Variants in RABGAP1L observed in about 807,000 individuals in gnomAD.
RABGAP1L encodes the protein rab GTPase-activating protein 1-like.
In RABGAP1L, 63 loss-of-function variants were observed where a neutral mutation model predicts 137.7. The ratio of observed to expected loss-of-function variants is 0.46; its 90% confidence interval spans 0.37 to 0.56. RABGAP1L has a LOEUF of 0.56. Among genes scored for constraint, RABGAP1L ranks in the 20% least tolerant of loss-of-function variants. RABGAP1L has a pLI of 0.00. For missense variants in RABGAP1L, 1,095 were observed against 1,244.0 expected (o/e 0.88, Z 1.80); for synonymous variants, 431 against 433.7 (o/e 0.99, Z 0.08).
At chr1:174,873,129 T>C (rs1273195856) in intron 19 of RABGAP1L, among the ~76,000 whole-genome samples, 3 of 150,984 alleles carry the variant, frequency 2.0e-5, no homozygotes, top group East Asian at 4.0e-4. Context: ...AGTGCAGTGG[T>C]GCAATCTCGG....
chr1:174,763,837 C>CAAAAAAAA (rs570110788), intron 18 of RABGAP1L, among the ~76,000 whole-genome samples: 1 of 81,174 alleles, frequency 1.2e-5, no homozygotes, highest in African/African-American at 4.8e-5. Flanking sequence ...GACTCCGTCT[C>CAAAAAAAA]AAAAAAAAAA....
intron 18 of RABGAP1L, among the ~76,000 whole-genome samples, chr1:174,772,567 C>CAAAAAAAAAAAAA (rs60690186): frequency 1.9e-5 from 1 of 53,074 alleles, no homozygotes; most frequent in Admixed American, 2.7e-4. Context: ...GACTCCATCT[C>CAAAAAAAAAAAAA]AAAAAAAAAA....
chr1:174,969,253 C>T lies in RABGAP1L; in HGVS notation c.2434-24C>T, dbSNP rs547136711. ...CTGTATGTCCAGACACTAATGCCCA[C>T]CTCTGGCTATTGTTCTTCTGCAGAG... On this transcript the variant is annotated intron_variant, in intron 20 of 25. Transcript: ENST00000681986. 5.7e-5 allele frequency: 86 copies of T among 1,517,310 alleles called. 1 individual carries two copies. The South Asian group carries it at 1.0e-3, about 18-fold the overall frequency. The allele number at this position is 1,517,310 out of a possible 1,614,324, so 94.0% of individuals were successfully genotyped here.
At chr1:174,624,394 C>G (rs561151698) in intron 13 of RABGAP1L, among the ~76,000 whole-genome samples, 7 of 152,242 alleles carry the variant, frequency 4.6e-5, no homozygotes, top group Non-Finnish European at 7.4e-5. Context: ...CTTGTCTTTA[C>G]AAGTTGATCT....
intron 1 of RABGAP1L, among the ~76,000 whole-genome samples, chr1:174,173,096 A>G (rs1408429267): frequency 6.6e-6 from 1 of 151,546 alleles, no homozygotes; most frequent in Non-Finnish European, 1.5e-5. Flanking sequence ...AGATGCAGCT[A>G]TGGTGTTTTG....
chr1:174,549,317 T>C (rs1011108817), intron 13 of RABGAP1L, among the ~76,000 whole-genome samples: 1 of 152,212 alleles, frequency 6.6e-6, no homozygotes, highest in African/African-American at 2.4e-5. Context: ...ATTTCAATTT[T>C]TTCTTAATGT....
rs1181463793 is a variant in RABGAP1L at position 174,645,395 on chromosome 1, C to A, written c.1824+7907C>A. Among the ~76,000 whole-genome samples, 26 of 151,002 alleles carry A rather than the reference C, an allele frequency of 1.7e-4. 1 individual carries two copies. The highest frequency in any genetic ancestry group is 1.6e-3 in the Admixed American group (24 of 15,122). ...TAATGCTATCCCTCCCCTAGCCCCC[C>A]ACCCCCCAACAGGCCCCAGTGTGTG... On this transcript the variant is annotated intron_variant, in intron 14 of 25. Coordinates refer to ENST00000681986, the MANE Select transcript of RABGAP1L (RefSeq NM_001366446.1).
chr1:174,250,500 G>C lies in RABGAP1L; in HGVS notation c.743G>C (p.Cys248Ser). Reference sequence around the variant, plus strand: ...GTAAGCAGAATTTTGTACAGTTTCTGTACAGCATTCAAACGTTCTTCCAGA... The same window carrying C: ...GTAAGCAGAATTTTGTACAGTTTCTCTACAGCATTCAAACGTTCTTCCAGA... ...EAVSRILYSF[C>S]TAFKRSSRQV... The change falls in exon 6 of 26, where the codon TGT becomes TCT. Residue 248 changes from cysteine (C) to serine (S), a missense_variant. By Grantham distance (112) the Cys-to-Ser change is moderately radical. Coordinates refer to ENST00000681986, the MANE Select transcript of RABGAP1L (RefSeq NM_001366446.1). 1 of 1,612,994 alleles carries C rather than the reference G, an allele frequency of 6.2e-7. No homozygotes were observed. Among genetic ancestry groups the C allele is most frequent in the South Asian group, 1.1e-5 (1 of 90,898 alleles).
intron 13 of RABGAP1L, among the ~76,000 whole-genome samples, chr1:174,619,755 C>T (rs965422469): frequency 5.9e-5 from 9 of 152,212 alleles, no homozygotes; most frequent in Non-Finnish European, 1.2e-4. Context: ...AACCACCTAA[C>T]ATCATAATGA....
intron 11 of RABGAP1L, among the ~76,000 whole-genome samples, chr1:174,358,465 G>C (rs928370195): frequency 6.6e-6 from 1 of 152,138 alleles, no homozygotes; most frequent in Non-Finnish European, 1.5e-5. Flanking sequence ...GCTGGCGGGT[G>C]GTGTAGGGTT....
At chr1:174,358,475 T>G (rs1683836332) in intron 11 of RABGAP1L, among the ~76,000 whole-genome samples, 2 of 152,040 alleles carry the variant, frequency 1.3e-5, no homozygotes, top group South Asian at 4.1e-4. Context: ...GGTGTAGGGT[T>G]TTTGGTTTAT....
chr1:174,574,806 A>C (rs1031862896), intron 13 of RABGAP1L, among the ~76,000 whole-genome samples: 1 of 152,234 alleles, frequency 6.6e-6, no homozygotes, highest in Non-Finnish European at 1.5e-5. Context: ...ACAAACAGAC[A>C]TGAAAATAGT....
rs749496325 is a variant in RABGAP1L, at chr1:174,662,102, C to CTTTTT, written c.1825-21405_1825-21401dup. 7.8e-3 allele frequency among the ~76,000 whole-genome samples: 706 copies of CTTTTT among 89,956 alleles called. 2 individuals are homozygous for CTTTTT. Among genetic ancestry groups the CTTTTT allele is most frequent in the Middle Eastern group, 0.019 (3 of 158 alleles). 59.0% of individuals were successfully genotyped at this position (89,956 alleles called of 152,430 possible). ...GTATCCAGAAGAAGGCTTTTCTTTT[C>CTTTTT]TTTTTTTTTTTTTTTTTTTGAGTTG... On this transcript the variant is annotated intron_variant, in intron 14 of 25. Coordinates refer to ENST00000681986, the MANE Select transcript of RABGAP1L (RefSeq NM_001366446.1).
chr1:174,963,326 A>G (rs1254811709), intron 20 of RABGAP1L, among the ~76,000 whole-genome samples: 2 of 152,110 alleles, frequency 1.3e-5, no homozygotes, highest in Non-Finnish European at 2.9e-5. Context: ...CAGAGAGTTC[A>G]TTGTTATAGG....
At chr1:174,588,812 T>C (rs531159055) in intron 13 of RABGAP1L, among the ~76,000 whole-genome samples, 8 of 152,304 alleles carry the variant, frequency 5.3e-5, no homozygotes, top group African/African-American at 1.9e-4. Flanking sequence ...AGTACTCCAT[T>C]GTGTACATGT....
chr1:174,218,467 T>C (rs1218560169), intron 1 of RABGAP1L, among the ~76,000 whole-genome samples: 1 of 152,170 alleles, frequency 6.6e-6, no homozygotes, highest in African/African-American at 2.4e-5. Context: ...TGTAGAGATC[T>C]ATCCAGAAAA....
At chr1:174,362,516 T>A (rs750559146) in intron 11 of RABGAP1L, among the ~76,000 whole-genome samples, 7 of 152,218 alleles carry the variant, frequency 4.6e-5, no homozygotes, top group Non-Finnish European at 8.8e-5. Flanking sequence ...TTGATTTGCA[T>A]TTCTCTAATG....
intron 13 of RABGAP1L, among the ~76,000 whole-genome samples, chr1:174,500,820 A>T (rs947142173): frequency 6.6e-6 from 1 of 152,006 alleles, no homozygotes; most frequent in East Asian, 1.9e-4. Context: ...CCAGTAAAAA[A>T]CTCAGTGCTC....
intron 6 of RABGAP1L, 122 bp downstream of exon 6, chr1:174,250,754 G>T: frequency 1.2e-6 from 1 of 839,188 alleles, no homozygotes; most frequent in Non-Finnish European, 1.8e-6. Context: ...TATTTGGCTG[G>T]TGAATTAATA....
Sources: gnomAD v4.1 joint callset for allele counts (sites outside exome capture counted in the v4.1 genomes callset) on GRCh38, gnomAD v4.1.1 for gene constraint, MANE v1.5 for transcripts, NCBI Gene and HGNC (gene_info 2026-07-23, HGNC 2026-07-21) for gene names.